MKLN1: variants seen among roughly 807,000 people sequenced by gnomAD.
MKLN1 encodes muskelin.
A neutral mutation model predicts 99.0 loss-of-function variants in MKLN1; 18 were observed. The ratio of observed to expected loss-of-function variants is 0.18; its 90% CI spans 0.13 to 0.27. The LOEUF (loss-of-function observed/expected upper bound fraction) is 0.27, where lower values mean the gene tolerates loss of function less well. Among genes scored for constraint, MKLN1 ranks in the 10% least tolerant of loss-of-function variants. MKLN1 has a pLI of 1.00. For missense variants in MKLN1, 621 were observed against 875.9 expected (o/e 0.71, Z 3.67); for synonymous variants, 288 against 293.2 (o/e 0.98, Z 0.18).
chr7:131,484,872 TTGG>T (rs1300391697), intron 17 of MKLN1, among the ~76,000 whole-genome samples: 1 of 152,014 alleles, frequency 6.6e-6, no homozygotes, highest in African/African-American at 2.4e-5. Context: ...CAGGGTTTTC[TTGG>T]TGGAAGAAAG....
intron 4 of MKLN1, among the ~76,000 whole-genome samples, chr7:131,396,424 T>C (rs1244330788): frequency 1.3e-5 from 2 of 152,182 alleles, no homozygotes. Flanking sequence ...AATTCGTTTT[T>C]CTTAATTTGT....
At chr7:131,444,379 G>A (rs867452843) in intron 11 of MKLN1, among the ~76,000 whole-genome samples, 7 of 151,736 alleles carry the variant, frequency 4.6e-5, no homozygotes, top group African/African-American at 1.2e-4. Context: ...TGCCTTCTGC[G>A]GTGTTGGGAT....
At chr7:131,387,567 A>T (rs1469915258) in intron 3 of MKLN1, among the ~76,000 whole-genome samples, 4 of 152,062 alleles carry the variant, frequency 2.6e-5, no homozygotes, top group South Asian at 2.1e-4. Context: ...CTTTAATGAA[A>T]TTTTTTGCTA....
intron 1 of MKLN1, among the ~76,000 whole-genome samples, chr7:131,332,666 T>C (rs999922496): frequency 3.1e-4 from 47 of 151,956 alleles, no homozygotes; most frequent in Non-Finnish European, 5.7e-4. Context: ...ATTTTTCAAT[T>C]TACTGTTGTC....
chr7:131,157,945 C>T (rs1273947668), intron 2 of MKLN1, among the ~76,000 whole-genome samples: 1 of 152,128 alleles, frequency 6.6e-6, no homozygotes, highest in African/African-American at 2.4e-5. Context: ...GCACTGCTAG[C>T]AGTGGTGACA....
intron 2 of MKLN1, among the ~76,000 whole-genome samples, chr7:131,189,047 G>A (rs902558353): frequency 2.0e-5 from 3 of 152,032 alleles, no homozygotes; most frequent in Admixed American, 6.6e-5. Context: ...ATTTCACCAG[G>A]GAATCAGACT....
chr7:131,224,682 CAGTGATCA>C (rs1797114236), intron 3 of MKLN1, among the ~76,000 whole-genome samples: 1 of 151,572 alleles, frequency 6.6e-6, no homozygotes, highest in African/African-American at 2.4e-5. Flanking sequence ...TTGGAGGTTA[CAGTGATCA>C]TGCCACTGCG....
intron 6 of MKLN1, among the ~76,000 whole-genome samples, chr7:131,406,713 G>A (rs1265636718): frequency 2.6e-5 from 4 of 151,930 alleles, no homozygotes; most frequent in African/African-American, 9.6e-5. Flanking sequence ...TGAAAATTTT[G>A]TCTCCTTTAT....
chr7:131,342,292 CTG>C (rs1799431468), intron 1 of MKLN1, among the ~76,000 whole-genome samples: 1 of 151,970 alleles, frequency 6.6e-6, no homozygotes, highest in Admixed American at 6.5e-5. Flanking sequence ...TGAGAATTTT[CTG>C]TGACAGTTTA....
At chr7:131,188,449 A>C (rs907064111) in intron 2 of MKLN1, among the ~76,000 whole-genome samples, 3 of 152,186 alleles carry the variant, frequency 2.0e-5, no homozygotes, top group Non-Finnish European at 4.4e-5. Flanking sequence ...GTTCGCTTGG[A>C]GCTGGCTGGT....
intron 1 of MKLN1, among the ~76,000 whole-genome samples, chr7:131,352,142 A>G (rs1799738477): frequency 6.6e-6 from 1 of 152,294 alleles, no homozygotes; most frequent in Admixed American, 6.5e-5. Context: ...ATTTATGAAC[A>G]TTAGTCTCTT....
intron 13 of MKLN1, among the ~76,000 whole-genome samples, 165 bp downstream of exon 13, chr7:131,463,529 T>A (rs188182650): frequency 2.2e-3 from 330 of 152,318 alleles, no homozygotes; most frequent in Non-Finnish European, 3.3e-3. Context: ...TATACAATGA[T>A]GTTCAGTGAA....
At position 131,379,052 on chromosome 7, in the gene MKLN1, T is replaced by C. The variant is rs1255702394; in HGVS notation, c.168+3559T>C. Among the ~76,000 whole-genome samples, 3 of 152,266 alleles carry C rather than the reference T, an allele frequency of 2.0e-5. No individual in the cohort carries two copies. In the East Asian group the frequency reaches 5.8e-4, roughly 29 times the overall value. On this transcript the variant is annotated intron_variant, in intron 2 of 17. Transcript: ENST00000352689. ...CTCGTCTCTGAGAGGTTATAGCTTA[T>C]GTATTGGTTTTTGTTCACATTTGGT...
At chr7:131,432,824 C>T (rs1287369603) in intron 9 of MKLN1, among the ~76,000 whole-genome samples, 1 of 152,130 alleles carries the variant, frequency 6.6e-6, no homozygotes, top group Non-Finnish European at 1.5e-5. Context: ...TCATATGCTT[C>T]TTTATTCAGT....
intron 1 of MKLN1, among the ~76,000 whole-genome samples, chr7:131,117,496 AAGAT>A (rs1321289999): frequency 1.2e-4 from 18 of 152,264 alleles, no homozygotes; most frequent in South Asian, 8.3e-4. Context: ...AAACAGGTGA[AAGAT>A]AGGCAGCTGT....
At chr7:131,376,170 C>T (rs1382552930) in intron 2 of MKLN1, among the ~76,000 whole-genome samples, 3 of 110,240 alleles carry the variant, frequency 2.7e-5, no homozygotes, top group African/African-American at 9.7e-5. Context: ...TCTTTGCCTA[C>T]CTATTTGGAT....
intron 1 of MKLN1, among the ~76,000 whole-genome samples, chr7:131,337,738 TA>T (rs1393654052): frequency 1.3e-5 from 2 of 150,640 alleles, no homozygotes; most frequent in Non-Finnish European, 3.0e-5. Context: ...ATAGTTAATA[TA>T]TTTGTATATT....
chr7:131,191,070 T>A (rs1252144322), intron 2 of MKLN1, among the ~76,000 whole-genome samples: 1 of 152,206 alleles, frequency 6.6e-6, no homozygotes, highest in Non-Finnish European at 1.5e-5. Context: ...AGGCCATAGA[T>A]AGCAGGTCTT....
At chr7:131,362,392 A>T (rs1800056401) in intron 1 of MKLN1, among the ~76,000 whole-genome samples, 1 of 151,998 alleles carries the variant, frequency 6.6e-6, no homozygotes, top group Non-Finnish European at 1.5e-5. Flanking sequence ...TTTGACAATA[A>T]ACTTTTCTTA....
Sources: allele counts gnomAD v4.1 joint callset (sites outside exome capture counted in the v4.1 genomes callset), GRCh38; gene constraint gnomAD v4.1.1; transcripts MANE v1.5; gene names NCBI Gene and HGNC (gene_info 2026-07-23, HGNC 2026-07-21).